CCDC171: variants seen among roughly 807,000 people sequenced by gnomAD.
CCDC171 encodes coiled-coil domain containing 171.
A neutral mutation model predicts 168.2 loss-of-function variants in CCDC171; 177 were observed. The observed-to-expected ratio is 1.05, with a 90% CI of 0.93 to 1.19. The LOEUF (loss-of-function observed/expected upper bound fraction) is 1.19. Ranked by LOEUF, CCDC171 falls within the 50% of genes most tolerant of loss-of-function variation. CCDC171 has a pLI of 0.00. For missense variants in CCDC171, 1,991 were observed against 1,539.0 expected (o/e 1.29, Z -4.91); for synonymous variants, 687 against 540.8 (o/e 1.27, Z -3.75).
the CCDC171 span, among the ~76,000 whole-genome samples, chr9:16,068,032 C>G: frequency 1.3e-5 from 2 of 150,968 alleles, no homozygotes; most frequent in East Asian, 1.9e-4. Flanking sequence ...TGTTTGCAGA[C>G]GACATGATTG....
chr9:15,773,897 C>G (rs1462736572), intron 18 of CCDC171, among the ~76,000 whole-genome samples: 1 of 152,096 alleles, frequency 6.6e-6, no homozygotes, highest in Non-Finnish European at 1.5e-5. Context: ...ATACATCCGA[C>G]AAAGGACTAA....
the CCDC171 span, among the ~76,000 whole-genome samples, chr9:16,096,423 A>G: frequency 5.1e-4 from 77 of 152,300 alleles, no homozygotes; most frequent in African/African-American, 1.9e-3. Context: ...AGAGGATTAT[A>G]TGCTGCTACA....
intron 3 of CCDC171, among the ~76,000 whole-genome samples, chr9:15,576,139 G>A (rs950203099): frequency 1.3e-5 from 2 of 150,606 alleles, no homozygotes; most frequent in Admixed American, 1.3e-4. Context: ...TCAGTTGTGT[G>A]TGTGTGTGTG....
chr9:15,720,129 G>A (rs2053378118), intron 11 of CCDC171, among the ~76,000 whole-genome samples: 1 of 123,060 alleles, frequency 8.1e-6, no homozygotes, highest in African/African-American at 2.5e-5. Context: ...ATAAGTTGGT[G>A]CTTAAATTAT....
intron 7 of CCDC171, among the ~76,000 whole-genome samples, chr9:15,645,512 G>A (rs915662131): frequency 6.6e-6 from 1 of 152,124 alleles, no homozygotes; most frequent in Non-Finnish European, 1.5e-5. Context: ...AAGGTTGGAC[G>A]AATGGCTAAC....
chr9:16,069,286 T>G, the CCDC171 span, among the ~76,000 whole-genome samples: 207 of 152,368 alleles, frequency 1.4e-3, no homozygotes, highest in Admixed American at 3.3e-3. Flanking sequence ...TGTTACCATT[T>G]TGGTGTTTTT....
At chr9:15,651,631 C>T (rs1394952328) in intron 7 of CCDC171, among the ~76,000 whole-genome samples, 1 of 152,076 alleles carries the variant, frequency 6.6e-6, no homozygotes, top group Admixed American at 6.6e-5. Flanking sequence ...GCTTATTTTA[C>T]TTAACATAAT....
At chr9:15,979,829 AT>A (rs568589617) in intron 3 of CCDC171, among the ~76,000 whole-genome samples, 1 of 151,484 alleles carries the variant, frequency 6.6e-6, no homozygotes, top group Admixed American at 6.6e-5. Context: ...CTTCTCTTCT[AT>A]TTTTTTAAAG....
intron 9 of CCDC171, among the ~76,000 whole-genome samples, chr9:15,666,795 G>A (rs1188346740): frequency 6.6e-6 from 1 of 152,002 alleles, no homozygotes; most frequent in Non-Finnish European, 1.5e-5. Flanking sequence ...CTAAGATCTG[G>A]GGCTAAGATT....
intron 7 of CCDC171, among the ~76,000 whole-genome samples, chr9:15,639,044 T>TTCTA (rs2046403838): frequency 6.6e-6 from 1 of 152,118 alleles, no homozygotes; most frequent in African/African-American, 2.4e-5. Context: ...GTCAGTCATA[T>TTCTA]TCTATATTAT....
intron 11 of CCDC171, among the ~76,000 whole-genome samples, chr9:15,706,248 C>G (rs148607684): frequency 0.031 from 2,934 of 94,440 alleles, 44 homozygotes; most frequent in African/African-American, 0.045. Flanking sequence ...TTCCTTGCTT[C>G]CTTCCTTCCT....
chr9:15,814,468 A>G (rs1337770042), intron 21 of CCDC171, among the ~76,000 whole-genome samples: 1 of 152,186 alleles, frequency 6.6e-6, no homozygotes, highest in Non-Finnish European at 1.5e-5. Flanking sequence ...TGGGAATAGT[A>G]CAGAAACTGT....
intron 16 of CCDC171, among the ~76,000 whole-genome samples, chr9:15,736,317 A>G (rs143682535): frequency 1.1e-4 from 16 of 152,248 alleles, no homozygotes; most frequent in East Asian, 1.9e-4. Flanking sequence ...GAAAATAGGT[A>G]TAGTGATACC....
chr9:15,697,618 G>A (rs1564233091), intron 11 of CCDC171, among the ~76,000 whole-genome samples: 2 of 152,156 alleles, frequency 1.3e-5, no homozygotes, highest in Admixed American at 1.3e-4. Context: ...ATGTTTGAAT[G>A]TTATGTTTAT....
At chr9:15,665,871 G>A (rs1013803931) in intron 8 of CCDC171, among the ~76,000 whole-genome samples, 1 of 152,186 alleles carries the variant, frequency 6.6e-6, no homozygotes, top group East Asian at 1.9e-4. Context: ...TGAAAATTTA[G>A]ATTGAGTTGT....
At chr9:15,598,062 G>C (rs919329188) in intron 6 of CCDC171, among the ~76,000 whole-genome samples, 3 of 151,980 alleles carry the variant, frequency 2.0e-5, no homozygotes, top group Non-Finnish European at 4.4e-5. Flanking sequence ...AGTCTTGCTA[G>C]CGGTCTATCA....
intron 16 of CCDC171, among the ~76,000 whole-genome samples, chr9:15,740,437 G>A (rs922798012): frequency 6.7e-6 from 1 of 148,628 alleles, no homozygotes; most frequent in Non-Finnish European, 1.5e-5. Context: ...GTTTTTGTTT[G>A]TGTGTGTGTG....
chr9:15,964,704 C>A (rs1021577302), intron 25 of CCDC171, among the ~76,000 whole-genome samples: 2 of 152,158 alleles, frequency 1.3e-5, no homozygotes, highest in Non-Finnish European at 2.9e-5. Context: ...TCTTGTCAGG[C>A]ACAAGGTATC....
intron 24 of CCDC171, among the ~76,000 whole-genome samples, chr9:15,904,523 C>T (rs1470965170): frequency 6.6e-6 from 1 of 151,842 alleles, no homozygotes; most frequent in African/African-American, 2.4e-5. Flanking sequence ...CTGAAGGAAG[C>T]ACTAAACATG....
Sources: allele counts gnomAD v4.1 joint callset (sites outside exome capture counted in the v4.1 genomes callset), GRCh38; gene constraint gnomAD v4.1.1; transcripts MANE v1.5; gene names NCBI Gene and HGNC (gene_info 2026-07-23, HGNC 2026-07-21).